The following HDX variants were observed in gnomAD, a reference collection of about 807,000 sequenced individuals.
The protein encoded by HDX is highly divergent homeobox.
A neutral mutation model predicts 45.2 loss-of-function variants in HDX; 19 were observed. The observed-to-expected ratio is 0.42, with a 90% confidence interval of 0.29 to 0.62. HDX has a LOEUF of 0.62. Among genes scored for constraint, HDX ranks in the 20% least tolerant of loss-of-function variants. The pLI, the probability that HDX is intolerant of heterozygous loss-of-function variation, is 0.20. For synonymous variants in HDX, 188 were observed against 172.8 expected, an observed-to-expected ratio of 1.09 and a Z score of -0.69; for missense variants, 532 against 493.9, an observed-to-expected ratio of 1.08 and a Z score of -0.73.
At chrX:84,412,752 C>T (rs1021151193) in intron 5 of HDX, among the ~76,000 whole-genome samples, 5 of 111,663 alleles carry the variant, frequency 4.5e-5, no homozygotes, top group African/African-American at 1.6e-4. Flanking sequence ...TGGATGGGAT[C>T]CTCAAATATG....
chrX:84,391,199 GAT>G (rs2038433393), intron 5 of HDX, among the ~76,000 whole-genome samples: 1 of 111,104 alleles, frequency 9.0e-6, no homozygotes. Flanking sequence ...ATGAGAATGT[GAT>G]TTTGTATTTT....
intron 1 of HDX, among the ~76,000 whole-genome samples, chrX:84,499,418 A>G (rs1045537776): frequency 1.8e-5 from 2 of 111,678 alleles, no homozygotes; most frequent in Non-Finnish European, 3.8e-5. Context: ...CATTCTATCC[A>G]GAGTTGCTTA....
chrX:84,404,989 AT>A (rs2038786352), intron 5 of HDX, among the ~76,000 whole-genome samples: 1 of 111,240 alleles, frequency 9.0e-6, no homozygotes, highest in African/African-American at 3.3e-5. Flanking sequence ...TAATATAAGA[AT>A]ATTCATTGAG....
At chrX:84,434,194 C>T (rs1197060497) in intron 5 of HDX, among the ~76,000 whole-genome samples, 1 of 110,052 alleles carries the variant, frequency 9.1e-6, no homozygotes, top group African/African-American at 3.3e-5. Context: ...ACCTAATCAC[C>T]GTGGCCAAGA....
rs190204986 is a variant in HDX at position 84,396,284 on chromosome X, A to G, written c.1306-34672T>C. On this transcript the variant is annotated intron_variant, in intron 5 of 10. Transcript: ENST00000373177. ...CCACTTTGGTTTTGATTCTGGGTGCATGCAGTAGAATACTCGCTGTATGAT... is the reference window on the plus strand; with the variant it reads ...CCACTTTGGTTTTGATTCTGGGTGCGTGCAGTAGAATACTCGCTGTATGAT... Among the ~76,000 whole-genome samples, 3 of 112,405 alleles carry G rather than the reference A, an allele frequency of 2.7e-5. No homozygotes were observed. The East Asian group carries it at 8.5e-4, about 32-fold the overall frequency.
At chrX:84,384,029 C>G (rs1482885424) in intron 5 of HDX, among the ~76,000 whole-genome samples, 2 of 110,481 alleles carry the variant, frequency 1.8e-5, no homozygotes, top group Non-Finnish European at 3.8e-5. Context: ...TATGTCTTCT[C>G]GGTAGAGCAA....
intron 5 of HDX, among the ~76,000 whole-genome samples, chrX:84,412,241 T>C (rs2039004758): frequency 9.0e-6 from 1 of 111,664 alleles, no homozygotes; most frequent in Admixed American, 9.5e-5. Context: ...ATTGTGTAGT[T>C]GCTTTACAGT....
At chrX:84,476,399 G>T (rs2040552090) in intron 2 of HDX, among the ~76,000 whole-genome samples, 1 of 109,485 alleles carries the variant, frequency 9.1e-6, no homozygotes, top group African/African-American at 3.3e-5. Context: ...CAACACATTA[G>T]TTGGGCATGG....
At chrX:84,500,499 G>A (rs915890995) in intron 1 of HDX, among the ~76,000 whole-genome samples, 20 of 109,109 alleles carry the variant, frequency 1.8e-4, no homozygotes, top group African/African-American at 5.7e-4. Context: ...CAATAACAAA[G>A]GAGACAATAC....
rs1245052501 is a variant in HDX, at chrX:84,355,651, T to C, written c.1452+5815A>G. On this transcript the variant is annotated intron_variant, in intron 6 of 10. Transcript: ENST00000373177. The stretch of plus-strand genomic sequence containing the variant: ...GCATGTTCTCACTCATAGGTGGGAA[T>C]TGAACAATGAGAAGACTTGGACACA... 3.7e-5 allele frequency among the ~76,000 whole-genome samples: 4 copies of C among 108,977 alleles called. No individual in the cohort carries two copies. The East Asian group carries it at 8.8e-4, about 24-fold the overall frequency. 94.6% of individuals were successfully genotyped at this position (108,977 alleles called of 115,157 possible).
At chrX:84,472,229 T>C (rs542539220) in intron 3 of HDX, among the ~76,000 whole-genome samples, 1 of 111,494 alleles carries the variant, frequency 9.0e-6, no homozygotes, top group South Asian at 3.7e-4. Flanking sequence ...AGTTTTATAG[T>C]TTATACATAC....
intron 6 of HDX, among the ~76,000 whole-genome samples, chrX:84,361,083 A>C (rs145911790): frequency 0.087 from 9,644 of 111,425 alleles, 408 homozygotes; most frequent in East Asian, 0.26. Flanking sequence ...TCATTATTAT[A>C]TACCTTTTAT....
intron 4 of HDX, among the ~76,000 whole-genome samples, chrX:84,466,545 T>C (rs1602509558): frequency 8.9e-6 from 1 of 112,107 alleles, no homozygotes; most frequent in East Asian, 2.8e-4. Flanking sequence ...TGCTAAATTT[T>C]GTTGCAATAA....
intron 4 of HDX, among the ~76,000 whole-genome samples, chrX:84,463,887 T>C (rs1181255648): frequency 9.0e-6 from 1 of 111,200 alleles, no homozygotes; most frequent in African/African-American, 3.3e-5. Flanking sequence ...CAACCCTTAA[T>C]ATTATATTCC....
At chrX:84,394,435 A>G (rs2038513077) in intron 5 of HDX, among the ~76,000 whole-genome samples, 1 of 111,609 alleles carries the variant, frequency 9.0e-6, no homozygotes, top group South Asian at 3.7e-4. Flanking sequence ...TATCCTGGAG[A>G]AAGTTTTATG....
At chrX:84,386,216 G>A in intron 5 of HDX, among the ~76,000 whole-genome samples, 1 of 111,237 alleles carries the variant, frequency 9.0e-6, no homozygotes, top group Non-Finnish European at 1.9e-5. Context: ...CTTGTATTGT[G>A]GTAAATTAAC....
At chrX:84,331,244 T>G (rs1167265286) in intron 9 of HDX, among the ~76,000 whole-genome samples, 1 of 111,436 alleles carries the variant, frequency 9.0e-6, no homozygotes, top group Admixed American at 9.6e-5. Flanking sequence ...TGTATCTCAG[T>G]CAAAAACTCC....
intron 3 of HDX, among the ~76,000 whole-genome samples, chrX:84,474,038 C>T (rs981423272): frequency 5.4e-5 from 6 of 112,131 alleles, no homozygotes; most frequent in African/African-American, 1.9e-4. Flanking sequence ...CGCCTGTGAT[C>T]CCAACACTTT....
intron 1 of HDX, among the ~76,000 whole-genome samples, 192 bp from the exon 2 acceptor site, chrX:84,488,324 A>AACACAC (rs200905875): frequency 0.019 from 1,845 of 94,831 alleles, 26 homozygotes; most frequent in East Asian, 0.11. Context: ...TAAAATCTAA[A>AACACAC]ACACACACAC....
Sources: gnomAD v4.1 joint callset for allele counts (sites outside exome capture counted in the v4.1 genomes callset) on GRCh38, gnomAD v4.1.1 for gene constraint, MANE v1.5 for transcripts, NCBI Gene and HGNC (gene_info 2026-07-23, HGNC 2026-07-21) for gene names.